CYP39A1: variants seen among roughly 807,000 people sequenced by gnomAD.
CYP39A1 encodes the protein 24-hydroxycholesterol 7-alpha-hydroxylase.
In CYP39A1, 49 loss-of-function variants were observed where a neutral mutation model predicts 58.1. The ratio of observed to expected loss-of-function variants is 0.84; its 90% CI spans 0.67 to 1.07. CYP39A1 has a LOEUF of 1.07. CYP39A1 is among the 50% of genes least tolerant of loss of function. The pLI is 0.00. For synonymous variants in CYP39A1, 209 were observed against 187.6 expected, an observed-to-expected ratio of 1.11 and a Z score of -0.93; for missense variants, 531 against 539.4, an observed-to-expected ratio of 0.98 and a Z score of 0.16.
At chr6:46,583,560 C>T (rs1772277833) in intron 10 of CYP39A1, 7 of 985,392 alleles carry the variant, frequency 7.1e-6, no homozygotes, top group Non-Finnish European at 7.2e-6. Flanking sequence ...GTGGTTCATG[C>T]TGCTCTTTCC....
chr6:46,635,617 T>C (rs916299686), intron 5 of CYP39A1, among the ~76,000 whole-genome samples: 22 of 152,168 alleles, frequency 1.4e-4, no homozygotes, highest in Non-Finnish European at 1.5e-4. Context: ...AGGGGCACAA[T>C]CAGGGTTTGC....
At chr6:46,616,178 TCTTTCTTTCTTCTTTCCCTCCCTCC>T (rs1561994042) in intron 7 of CYP39A1, among the ~76,000 whole-genome samples, 4 of 34,912 alleles carry the variant, frequency 1.1e-4, no homozygotes, top group Non-Finnish European at 2.2e-4. Flanking sequence ...TTTCTTTCTT[TCTTTCTTTCTTCTTTCCCTCCCTCC>T]CTCCCTCCCT....
chr6:46,642,011 C>T (rs1776369584), intron 2 of CYP39A1, 152 bp downstream of exon 2: 1 of 813,014 alleles, frequency 1.2e-6, no homozygotes, highest in East Asian at 2.7e-5. Flanking sequence ...ACTATTCTAC[C>T]CATAACTCTT....
intron 10 of CYP39A1, among the ~76,000 whole-genome samples, chr6:46,558,476 G>A (rs886136879): frequency 4.6e-5 from 7 of 151,944 alleles, no homozygotes; most frequent in African/African-American, 1.7e-4. Context: ...AACATCAAGG[G>A]GGAAGTTCAC....
chr6:46,629,620 A>G (rs1775527852), intron 6 of CYP39A1, among the ~76,000 whole-genome samples: 1 of 152,216 alleles, frequency 6.6e-6, no homozygotes, highest in African/African-American at 2.4e-5. Context: ...CTAGAATATC[A>G]TGACTGAGAA....
chr6:46,583,549 G>C (rs1338485765), intron 10 of CYP39A1: 1 of 985,198 alleles, frequency 1.0e-6, no homozygotes, highest in Admixed American at 6.2e-5. Flanking sequence ...GAAGAAGTCT[G>C]GTGGTTCATG....
chr6:46,617,910 G>T (rs1314334270), intron 7 of CYP39A1, among the ~76,000 whole-genome samples: 1 of 152,106 alleles, frequency 6.6e-6, no homozygotes, highest in Non-Finnish European at 1.5e-5. Context: ...ATAGTCTCAT[G>T]CTATATTTCT....
chr6:46,642,934 C>T (rs946636211), intron 1 of CYP39A1, among the ~76,000 whole-genome samples: 5 of 152,194 alleles, frequency 3.3e-5, no homozygotes, highest in Admixed American at 2.0e-4. Context: ...ATTCTCCATG[C>T]GTTCCCTCCT....
At chr6:46,596,361 G>A (rs1024492571) in intron 7 of CYP39A1, among the ~76,000 whole-genome samples, 1 of 151,978 alleles carries the variant, frequency 6.6e-6, no homozygotes, top group Non-Finnish European at 1.5e-5. Context: ...GTGATGGATT[G>A]GTATCCAACT....
chr6:46,577,405 C>T (rs996591132), intron 10 of CYP39A1, among the ~76,000 whole-genome samples: 1 of 152,082 alleles, frequency 6.6e-6, no homozygotes, highest in Non-Finnish European at 1.5e-5. Flanking sequence ...AACACGGTGA[C>T]AAGATCAAAT....
intron 1 of CYP39A1, among the ~76,000 whole-genome samples, chr6:46,642,855 A>C (rs956740359): frequency 4.6e-5 from 7 of 152,286 alleles, no homozygotes; most frequent in Admixed American, 4.6e-4. Context: ...TCACTAGAAA[A>C]ATGGAGCAAT....
chr6:46,632,725 C>T (rs1317919693), intron 5 of CYP39A1, among the ~76,000 whole-genome samples: 16 of 151,980 alleles, frequency 1.1e-4, no homozygotes, highest in Admixed American at 1.0e-3. Context: ...GGAATTTTGC[C>T]AGGGACATAT....
At chr6:46,625,692 C>T (rs1181364443) in intron 6 of CYP39A1, among the ~76,000 whole-genome samples, 184 bp from the exon 7 acceptor site, 1 of 151,850 alleles carries the variant, frequency 6.6e-6, no homozygotes, top group Non-Finnish European at 1.5e-5. Flanking sequence ...TGTAATATAT[C>T]TCCAAGAAGC....
intron 8 of CYP39A1, among the ~76,000 whole-genome samples, chr6:46,590,262 G>C (rs796310245): frequency 2.0e-5 from 3 of 152,302 alleles, no homozygotes; most frequent in African/African-American, 7.2e-5. Context: ...CTCTCAGGTA[G>C]ACAGAATTGA....
chr6:46,621,622 T>C (rs907055207), intron 7 of CYP39A1, among the ~76,000 whole-genome samples: 1 of 151,962 alleles, frequency 6.6e-6, no homozygotes, highest in Non-Finnish European at 1.5e-5. Flanking sequence ...CAAGAAGAAA[T>C]AGATAATCTA....
intron 1 of CYP39A1, among the ~76,000 whole-genome samples, chr6:46,645,694 T>G (rs1181053564): frequency 6.6e-6 from 1 of 152,132 alleles, no homozygotes; most frequent in East Asian, 1.9e-4. Flanking sequence ...ACCTTGTCTA[T>G]ATCTACAACA....
Position 46,553,955 on chromosome 6 carries a change from C to T in CYP39A1, c.1251-101G>A, listed in dbSNP as rs558656420. On this transcript the variant is annotated intron_variant, in intron 10 of 11. Coordinates refer to ENST00000275016, the MANE Select transcript of CYP39A1 (RefSeq NM_016593.5). ...GCATACATATTTCAGAGTAAACATG[C>T]TCTTCTTTACAATATACTCTTTTCC... 5.4e-6 allele frequency: 4 copies of T among 746,088 alleles called. No homozygotes were observed. The East Asian group carries it at 1.1e-4, about 20-fold the overall frequency. 46.2% of individuals were successfully genotyped at this position (746,088 alleles called of 1,614,324 possible).
At chr6:46,606,346 A>T (rs1416472266) in intron 7 of CYP39A1, among the ~76,000 whole-genome samples, 1 of 152,198 alleles carries the variant, frequency 6.6e-6, no homozygotes, top group East Asian at 1.9e-4. Flanking sequence ...TGGACCATAC[A>T]AAGAAAAAGA....
chr6:46,567,498 T>A (rs2150490536), intron 10 of CYP39A1, among the ~76,000 whole-genome samples: 1 of 152,262 alleles, frequency 6.6e-6, no homozygotes, highest in South Asian at 2.1e-4. Flanking sequence ...GAAGTGGAAT[T>A]GCTGGATCAT....
Sources: gnomAD v4.1 joint callset for allele counts (sites outside exome capture counted in the v4.1 genomes callset) on GRCh38, gnomAD v4.1.1 for gene constraint, MANE v1.5 for transcripts, NCBI Gene and HGNC (gene_info 2026-07-23, HGNC 2026-07-21) for gene names.